LCP2: variants seen among roughly 807,000 people sequenced by gnomAD.
The protein encoded by LCP2 is lymphocyte cytosolic protein 2, also known as 76 kDa tyrosine phosphoprotein.
LCP2 carries 29 observed loss-of-function variants against 74.5 expected under a neutral mutation model. That is an observed-to-expected ratio of 0.39 (90% CI 0.29 to 0.53). The LOEUF (loss-of-function observed/expected upper bound fraction) is 0.53, where lower values mean the gene tolerates loss of function less well. LCP2 is among the 20% of genes least tolerant of loss of function. LCP2 has a pLI of 0.72. For synonymous variants in LCP2, 228 were observed against 229.5 expected (o/e 0.99, Z 0.06); for missense variants, 604 against 634.6 (o/e 0.95, Z 0.52).
Position 170,270,786 on chromosome 5 carries a change from G to A in LCP2, c.456C>T (p.Asp152=), listed in dbSNP as rs374927048. The change falls in exon 7 of 21, where the codon GAC becomes GAT. Residue 152 remains aspartate, a synonymous_variant. Coordinates refer to ENST00000046794, the MANE Select transcript of LCP2 (RefSeq NM_005565.5). Reference sequence around the variant, plus strand: ...GGATGGAGTTCTGCAGAGCTTCCTCGTCATTGGAGGGTGGCGGCTCATAAT... The same window carrying A: ...GGATGGAGTTCTGCAGAGCTTCCTCATCATTGGAGGGTGGCGGCTCATAAT... ...DADYEPPPSN[D]EEALQNSILP... 2.7e-5 allele frequency: 43 copies of A among 1,604,618 alleles called. No individual in the cohort carries two copies. The highest frequency in any genetic ancestry group is 1.6e-4 in the Middle Eastern group (1 of 6,066).
intron 14 of LCP2, among the ~76,000 whole-genome samples, chr5:170,260,731 G>A (rs1018404860): frequency 6.6e-6 from 1 of 152,188 alleles, no homozygotes; most frequent in Non-Finnish European, 1.5e-5. Context: ...CTCTTTTTCA[G>A]GTTGTGGAAG....
intron 3 of LCP2, among the ~76,000 whole-genome samples, chr5:170,279,382 C>A (rs1041003972): frequency 2.6e-5 from 4 of 152,206 alleles, no homozygotes. Context: ...CACAGACAGT[C>A]TAACTACAAT....
chr5:170,284,870 C>A (rs1408531039), intron 3 of LCP2, among the ~76,000 whole-genome samples: 5 of 151,908 alleles, frequency 3.3e-5, no homozygotes, highest in Non-Finnish European at 7.4e-5. Context: ...CCTGCCTCAG[C>A]CTCTTCAGTA....
intron 2 of LCP2, among the ~76,000 whole-genome samples, chr5:170,291,167 A>C: frequency 7.2e-6 from 1 of 138,074 alleles, no homozygotes; most frequent in African/African-American, 2.7e-5. Flanking sequence ...AGGACAAGGG[A>C]AGGGAGGAAG....
chr5:170,267,234 T>C (rs565432721), intron 8 of LCP2, 159 bp from the exon 9 acceptor site: 2 of 697,952 alleles, frequency 2.9e-6, no homozygotes, highest in African/African-American at 1.8e-5. Context: ...TAGCCTCCTA[T>C]CTGAGCTCCC....
At chr5:170,276,027 C>T (rs61356594) in intron 3 of LCP2, among the ~76,000 whole-genome samples, 167 bp from the exon 4 acceptor site, 4,942 of 152,284 alleles carry the variant, frequency 0.032, 297 homozygotes, top group African/African-American at 0.11. Flanking sequence ...CACTTCCTCC[C>T]AGAACTTGCC....
intron 19 of LCP2, chr5:170,251,135 C>T (rs1561965139): frequency 1.3e-5 from 5 of 395,008 alleles, no homozygotes; most frequent in East Asian, 4.8e-5. Context: ...AAGTCAATCT[C>T]GTTAAAGCCT....
intron 20 of LCP2, among the ~76,000 whole-genome samples, 188 bp from the exon 21 acceptor site, chr5:170,249,007 C>G (rs994592046): frequency 2.6e-5 from 4 of 152,114 alleles, no homozygotes; most frequent in Admixed American, 2.6e-4. Context: ...TCCTCATAAA[C>G]ATCCAACAAA....
chr5:170,256,379 T>G lies in LCP2; in HGVS notation c.1150+147A>C. The G allele has an allele frequency of 1.5e-6, 1 of 686,668 alleles. No homozygotes were observed. Among genetic ancestry groups the G allele is most frequent in the East Asian group, 2.7e-5 (1 of 36,456 alleles). The allele number at this position is 686,668 out of a possible 1,614,324, so 42.5% of individuals were successfully genotyped here. A position where few individuals can be genotyped will look rare whatever the true frequency, so the allele number is the denominator to read the frequency against. The stretch of plus-strand genomic sequence containing the variant: ...ATCATTCCGACAGCCCTTGGCACAC[T>G]GCAGACACGGAATTAAATGTTGAAT... On this transcript the variant is annotated intron_variant, in intron 17 of 20. Coordinates refer to ENST00000046794, the MANE Select transcript of LCP2 (RefSeq NM_005565.5). The surrounding 1 kb of genome is among the most constrained non-coding windows in gnomAD (Gnocchi z 4.5).
Position 170,293,371 on chromosome 5 carries a change from A to C in LCP2, c.80T>G (p.Leu27Arg). 6.3e-7 allele frequency: 1 copy of C among 1,592,522 alleles called. No homozygotes were observed. The highest frequency in any genetic ancestry group is 8.6e-7 in the Non-Finnish European group (1 of 1,168,804). Residue 27 changes from leucine to arginine, a missense_variant and splice_region_variant, in exon 2 of 21, where the codon CTC becomes CGC. By Grantham distance (102) the Leu-to-Arg change is moderately radical. Transcript: ENST00000046794. ...PDSLADYFKKLNYKDCEKAVK... is the reference protein window; with the variant it reads ...PDSLADYFKKRNYKDCEKAVK... ...TGCCTTCTCACAGTCCTTATAGTTG[A>C]GCTGCAAAGAGAAGGGGAAGGTGTT...
chr5:170,288,140 C>T, intron 2 of LCP2, 124 bp from the exon 3 acceptor site: 1 of 938,992 alleles, frequency 1.1e-6, no homozygotes, highest in Non-Finnish European at 1.7e-6. Flanking sequence ...AGAGGAGAAA[C>T]CGCCCTGCCC....
chr5:170,279,654 T>C (rs147652302), intron 3 of LCP2, among the ~76,000 whole-genome samples: 206 of 152,294 alleles, frequency 1.4e-3, no homozygotes, highest in African/African-American at 4.6e-3. Flanking sequence ...TTTATTATCA[T>C]CCAAAAAGCT....
At chr5:170,294,666 T>C (rs981341270) in intron 1 of LCP2, among the ~76,000 whole-genome samples, 1 of 152,214 alleles carries the variant, frequency 6.6e-6, no homozygotes, top group African/African-American at 2.4e-5. Context: ...AAGGGTGGGA[T>C]GATTATCACA....
At chr5:170,293,024 C>A (rs1422542679) in intron 2 of LCP2, among the ~76,000 whole-genome samples, 1 of 152,212 alleles carries the variant, frequency 6.6e-6, no homozygotes, top group Admixed American at 6.5e-5. Context: ...TATGGTCCTT[C>A]TTCCCCTTGG....
At chr5:170,260,635 G>A (rs1190693046) in intron 14 of LCP2, among the ~76,000 whole-genome samples, 1 of 152,212 alleles carries the variant, frequency 6.6e-6, no homozygotes, top group Non-Finnish European at 1.5e-5. Context: ...AAAACTGACA[G>A]CATCCCTCGC....
At position 170,275,802 on chromosome 5, in the gene LCP2, T is replaced by A. The variant is rs1180265959; in HGVS notation, c.247A>T (p.Thr83Ser). 1 of 1,579,630 alleles carries A rather than the reference T, an allele frequency of 6.3e-7. No homozygotes were observed. The highest frequency in any genetic ancestry group is 8.6e-7 in the Non-Finnish European group (1 of 1,160,350). The change falls in exon 4 of 21, where the codon ACA (threonine) becomes TCA (serine). Residue 83 changes from threonine (T) to serine (S), a missense_variant. Thr to Ser is a moderately conservative substitution (Grantham distance 58). Coordinates refer to ENST00000046794, the MANE Select transcript of LCP2 (RefSeq NM_005565.5). The part of the protein sequence containing the change: ...NKNEERRSIF[T>S]RKPQVPRFPE... ...TACACCAGCCGCACTCACTTGCGTG[T>A]GAAGATGCTCCTCCTCTCTTCGTTC...
rs765159042 is a variant in LCP2 at position 170,293,340 on chromosome 5, C to T, written c.111G>A (p.Lys37=). The change falls in exon 2 of 21, where the codon AAG becomes AAA. Residue 37 remains lysine (K), a synonymous_variant. Transcript: ENST00000046794. ...AGCGAGCCCCATCGATGTGGTACTTCTTCACTGCCTTCTCACAGTCCTTAT... is the reference window on the plus strand; with the variant it reads ...AGCGAGCCCCATCGATGTGGTACTTTTTCACTGCCTTCTCACAGTCCTTAT... The part of the protein sequence containing the change: ...LNYKDCEKAV[K]KYHIDGARFL... 3.7e-6 allele frequency: 6 copies of T among 1,605,730 alleles called. No homozygotes were observed. The South Asian group carries it at 6.7e-5, about 18-fold the overall frequency.
chr5:170,284,206 A>C (rs1306145571), intron 3 of LCP2, among the ~76,000 whole-genome samples: 1 of 152,226 alleles, frequency 6.6e-6, no homozygotes, highest in East Asian at 1.9e-4. Context: ...ACACAGACCT[A>C]AGTAGTTACC....
At chr5:170,270,993 C>G in intron 6 of LCP2, 76 bp from the exon 7 acceptor site, 1 of 1,283,422 alleles carries the variant, frequency 7.8e-7, no homozygotes, top group Non-Finnish European at 1.1e-6. Context: ...CTACTCTCTC[C>G]CTGCCAAGCC....
Sources: gnomAD v4.1 joint callset for allele counts (sites outside exome capture counted in the v4.1 genomes callset) on GRCh38, gnomAD v4.1.1 for gene constraint, Gnocchi (gnomAD v3.1) non-coding constraint, MANE v1.5 for transcripts, NCBI Gene and HGNC (gene_info 2026-07-23, HGNC 2026-07-21) for gene names.